The following SSX5 variants were observed in gnomAD, a reference collection of about 807,000 sequenced individuals.
SSX5 encodes protein SSX5.
Under a neutral mutation model 14.9 loss-of-function variants are expected in SSX5, and 14 were observed. That is an observed-to-expected ratio of 0.94 (90% CI 0.62 to 1.47). SSX5 has a LOEUF of 1.47. SSX5 is among the 40% of genes most tolerant of loss of function. The probability of loss-of-function intolerance (pLI) is 0.00; values close to 1 mark genes in which losing one functional copy is unlikely to be tolerated. For missense variants in SSX5, 204 were observed against 154.6 expected (o/e 1.32, Z -1.70); for synonymous variants, 70 against 55.4 (o/e 1.26, Z -1.17).
intron 1 of SSX5, among the ~76,000 whole-genome samples, 180 bp from the exon 2 acceptor site, chrX:48,195,558 G>T (rs183972844): frequency 8.9e-6 from 1 of 111,789 alleles, no homozygotes; most frequent in South Asian, 3.8e-4. Flanking sequence ...AGGGAGCCAG[G>T]GGTCTCTGGG....
chrX:48,193,763 C>A (rs1416954091), intron 4 of SSX5, among the ~76,000 whole-genome samples: 30 of 109,787 alleles, frequency 2.7e-4, no homozygotes, highest in African/African-American at 8.3e-4. Context: ...AACAAAAACA[C>A]ACAAAACACA....
chrX:48,193,060 T>A (rs782179608), intron 4 of SSX5, among the ~76,000 whole-genome samples: 1 of 112,017 alleles, frequency 8.9e-6, no homozygotes. Flanking sequence ...TCAAACTCAC[T>A]CCCGAGCTCA....
intron 3 of SSX5, 150 bp from the exon 4 acceptor site, chrX:48,194,374 ACTG>A (rs2059431891): frequency 1.7e-6 from 1 of 586,230 alleles, no homozygotes; most frequent in Middle Eastern, 3.6e-4. Flanking sequence ...TGATTGCACT[ACTG>A]CACTCTAGCC....
intron 5 of SSX5, among the ~76,000 whole-genome samples, chrX:48,191,578 G>A (rs1332507694): frequency 9.0e-6 from 1 of 111,717 alleles, no homozygotes; most frequent in African/African-American, 3.3e-5. Context: ...CCCAGTAACA[G>A]ATCAGAGACC....
At chrX:48,194,906 A>C in intron 2 of SSX5, 52 bp from the exon 3 acceptor site, 1 of 1,206,059 alleles carries the variant, frequency 8.3e-7, no homozygotes, top group Non-Finnish European at 1.1e-6. Context: ...CATGTCTGCC[A>C]TTCAGCTGGA....
intron 4 of SSX5, 133 bp downstream of exon 4, chrX:48,193,996 A>C: frequency 1.3e-6 from 1 of 743,853 alleles, no homozygotes; most frequent in Non-Finnish European, 2.0e-6. Context: ...AACTTTCTGC[A>C]TGCAATTTTT....
At chrX:48,187,785 G>A in intron 6 of SSX5, 54 bp from the exon 7 acceptor site, 1 of 1,167,426 alleles carries the variant, frequency 8.6e-7, no homozygotes, top group South Asian at 1.8e-5. Flanking sequence ...AGAGGGTTGG[G>A]TTGATTGGAG....
intron 6 of SSX5, among the ~76,000 whole-genome samples, chrX:48,188,425 A>T (rs782122132): frequency 3.6e-5 from 4 of 112,238 alleles, no homozygotes; most frequent in African/African-American, 6.5e-5. Flanking sequence ...CATACTGCAC[A>T]ATTAAGTTAT....
rs373609454 is a variant in SSX5, at chrX:48,195,334, G to T, written c.25C>A (p.Arg9=). 2.5e-6 allele frequency: 3 copies of T among 1,211,604 alleles called. No homozygotes were observed. The highest frequency in any genetic ancestry group is 3.4e-6 in the Non-Finnish European group (3 of 895,376). The part of the protein sequence containing the change: MNGDDAFV[R]RPRVGSQIPE... ...ATTTGAGAACCAACCCTAGGTCTCCGTACAAAGGCATCGTCTCCGTTCATG... is the reference window on the plus strand; with the variant it reads ...ATTTGAGAACCAACCCTAGGTCTCCTTACAAAGGCATCGTCTCCGTTCATG... The change falls in exon 2 of 8, where the codon CGG becomes AGG. Residue 9 remains arginine, a synonymous_variant. Coordinates refer to ENST00000347757, the MANE Select transcript of SSX5 (RefSeq NM_175723.2).
At chrX:48,192,638 G>T (rs782425909) in intron 4 of SSX5, among the ~76,000 whole-genome samples, 11 of 112,515 alleles carry the variant, frequency 9.8e-5, no homozygotes, top group Non-Finnish European at 2.1e-4. Context: ...CACTTCAAAT[G>T]GGTGAATCTT....
At chrX:48,191,157 C>T (rs1376078348) in intron 5 of SSX5, among the ~76,000 whole-genome samples, 1 of 110,766 alleles carries the variant, frequency 9.0e-6, no homozygotes, top group Non-Finnish European at 1.9e-5. Flanking sequence ...CCCGCCTCAG[C>T]CTCCCAAAGT....
chrX:48,190,211 A>G lies in SSX5; in HGVS notation c.388T>C (p.Ser130Pro), dbSNP rs2059414480. Residue 130 changes from serine to proline, a missense_variant, in exon 6 of 8, where the codon TCT becomes CCT. Physicochemically the swap from Ser to Pro is moderately conservative, Grantham distance 74. Coordinates refer to ENST00000347757, the MANE Select transcript of SSX5 (RefSeq NM_175723.2). ...GNDSKGVPEASGPQNNGKQLR... is the reference protein window; with the variant it reads ...GNDSKGVPEAPGPQNNGKQLR... ...TGTTTCCCATTGTTCTGTGGGCCAG[A>G]TGCTTCTGGCACTCCCTTCGAATCA... The G allele has an allele frequency of 8.3e-7, 1 of 1,208,293 alleles. No individual in the cohort carries two copies. Among genetic ancestry groups the G allele is most frequent in the Non-Finnish European group, 1.1e-6 (1 of 894,084 alleles).
chrX:48,195,404 T>C (rs782058987), intron 1 of SSX5, 26 bp from the exon 2 acceptor site: 6 of 1,184,599 alleles, frequency 5.1e-6, no homozygotes, highest in Non-Finnish European at 6.9e-6. Flanking sequence ...TCTGAGTCTT[T>C]CCAGCTGCAG....
At position 48,195,105 on chromosome X, in the gene SSX5, G is replaced by A. The variant is rs782303422; in HGVS notation, c.69+185C>T. 32 of 1,209,571 alleles carry A rather than the reference G, an allele frequency of 2.6e-5. No individual in the cohort carries two copies. Among genetic ancestry groups the A allele is most frequent in the South Asian group, 1.1e-4 (6 of 56,754 alleles). ...CTGAGATTCACCAAATGTATTCCAC[G>A]GTCACAGACTTGTCTCCAGGGATGC... On this transcript the variant is annotated intron_variant, in intron 2 of 7. Coordinates refer to ENST00000347757, the MANE Select transcript of SSX5 (RefSeq NM_175723.2).
In SSX5 at chrX:48,195,390, A is replaced by G; in HGVS notation, c.-20-12T>C. On this transcript the variant is annotated splice_polypyrimidine_tract_variant and intron_variant, in intron 1 of 7. Coordinates refer to ENST00000347757, the MANE Select transcript of SSX5 (RefSeq NM_175723.2). ...GGGAGCACTCTGTCCTACAAGAGAA[A>G]CAGTCTGAGTCTTTCCAGCTGCAGG... 4 of 1,201,994 alleles carry G rather than the reference A, an allele frequency of 3.3e-6. No homozygotes were observed. Among genetic ancestry groups the G allele is most frequent in the Non-Finnish European group, 4.5e-6 (4 of 887,461 alleles).
rs1253658636 is a variant in SSX5, at chrX:48,194,600, A to T, written c.184+140T>A. The stretch of plus-strand genomic sequence containing the variant: ...GCCCTGACAAGATACAGAAGAGCAG[A>T]GCACCCAGAAGCTGCCTTGCCATTT... On this transcript the variant is annotated intron_variant, in intron 3 of 7. Transcript: ENST00000347757. 1.8e-5 allele frequency: 12 copies of T among 669,134 alleles called. No individual in the cohort carries two copies. In the African/African-American group the frequency reaches 2.2e-4, roughly 13 times the overall value. The allele number at this position is 669,134 out of a possible 1,213,427, so 55.1% of individuals were successfully genotyped here.
chrX:48,186,673 CA>C lies in SSX5; in HGVS notation c.*187del, dbSNP rs1313363609. The C allele has an allele frequency of 9.3e-6, 8 of 862,346 alleles. No individual in the cohort carries two copies. The highest frequency in any genetic ancestry group is 2.6e-5 in the Admixed American group (1 of 38,365). 71.1% of individuals were successfully genotyped at this position (862,346 alleles called of 1,213,427 possible). A position where few individuals can be genotyped will look rare whatever the true frequency, so the allele number is the denominator to read the frequency against. ...CAGAATGGCACACTGTAACAAAATACAACAGAAACACTAACATCGAACTCTT... is the reference window on the plus strand; with the variant it reads ...CAGAATGGCACACTGTAACAAAATACACAGAAACACTAACATCGAACTCTT... On this transcript the variant is annotated 3_prime_UTR_variant, in exon 8 of 8. Transcript: ENST00000347757.
intron 6 of SSX5, among the ~76,000 whole-genome samples, chrX:48,188,056 G>A (rs146997282): frequency 1.8e-3 from 200 of 111,676 alleles, no homozygotes; most frequent in African/African-American, 6.1e-3. Context: ...GGCCACACAG[G>A]CGTACCTTGT....
intron 3 of SSX5, 79 bp from the exon 4 acceptor site, chrX:48,194,303 C>G (rs1280728759): frequency 1.9e-6 from 2 of 1,039,167 alleles, no homozygotes; most frequent in African/African-American, 1.9e-5. Flanking sequence ...AGTAGCAGCT[C>G]TTTGGGAGGC....
Sources: allele counts gnomAD v4.1 joint callset (sites outside exome capture counted in the v4.1 genomes callset), GRCh38; gene constraint gnomAD v4.1.1; transcripts MANE v1.5; gene names NCBI Gene and HGNC (gene_info 2026-07-23, HGNC 2026-07-21).